Variants in GALNTL6 observed in about 807,000 individuals in gnomAD.
The protein encoded by GALNTL6 is polypeptide N-acetylgalactosaminyltransferase like 6, also known as polypeptide N-acetylgalactosaminyltransferase-like 6.
Under a neutral mutation model 73.7 loss-of-function variants are expected in GALNTL6, and 46 were observed. The observed-to-expected ratio is 0.62, with a 90% CI of 0.49 to 0.80. GALNTL6 has a LOEUF of 0.80. Among genes scored for constraint, GALNTL6 ranks in the 30% least tolerant of loss-of-function variants. GALNTL6 has a pLI of 0.00. For synonymous variants in GALNTL6, 259 were observed against 263.7 expected (o/e 0.98, Z 0.17); for missense variants, 604 against 755.0 (o/e 0.80, Z 2.34).
intron 5 of GALNTL6, among the ~76,000 whole-genome samples, chr4:172,400,884 C>T (rs1001440564): frequency 6.6e-6 from 1 of 152,084 alleles, no homozygotes; most frequent in Non-Finnish European, 1.5e-5. Context: ...CTGTATGTTC[C>T]TGTTTACTGA....
intron 2 of GALNTL6, among the ~76,000 whole-genome samples, chr4:171,892,045 A>G (rs1736777081): frequency 6.6e-6 from 1 of 152,226 alleles, no homozygotes; most frequent in Non-Finnish European, 1.5e-5. Context: ...CATGTGACAG[A>G]TAACAGTCAA....
chr4:172,346,909 A>G (rs1473550624), intron 4 of GALNTL6, among the ~76,000 whole-genome samples: 1 of 150,452 alleles, frequency 6.6e-6, no homozygotes. Context: ...TTTTTTGTCT[A>G]CCCTTTCTCT....
intron 3 of GALNTL6, among the ~76,000 whole-genome samples, chr4:172,288,094 A>ATT (rs11354201): frequency 0.2 from 28,686 of 144,448 alleles, 3,474 homozygotes; most frequent in African/African-American, 0.34. Flanking sequence ...GATAGAATTG[A>ATT]TTTTTTTTTT....
At chr4:172,886,756 A>C (rs898228906) in intron 8 of GALNTL6, among the ~76,000 whole-genome samples, 1 of 147,020 alleles carries the variant, frequency 6.8e-6, no homozygotes, top group African/African-American at 2.5e-5. Flanking sequence ...AGAGCAAAAA[A>C]CTCCATCTCA....
At chr4:171,963,409 G>C (rs1423626133) in intron 2 of GALNTL6, among the ~76,000 whole-genome samples, 2 of 152,040 alleles carry the variant, frequency 1.3e-5, no homozygotes, top group Non-Finnish European at 2.9e-5. Context: ...ATAAAGAAAA[G>C]CTATATAGTT....
chr4:172,304,353 C>T (rs1390559564), intron 3 of GALNTL6, among the ~76,000 whole-genome samples: 2 of 151,602 alleles, frequency 1.3e-5, no homozygotes, highest in African/African-American at 2.4e-5. Context: ...TTCTGCGGAG[C>T]ATACATCCCA....
Position 171,983,619 on chromosome 4 carries a change from G to T in GALNTL6, c.138+168901G>T, listed in dbSNP as rs544329252. Among the ~76,000 whole-genome samples the T allele has an allele frequency of 4.6e-5, 7 of 152,074 alleles. No individual in the cohort carries two copies. The East Asian group carries it at 1.4e-3, about 29-fold the overall frequency. On this transcript the variant is annotated intron_variant, in intron 2 of 12. Transcript: ENST00000506823. ...AGATCCTCTCACCTGAGCCTCCCAA[G>T]GTGCTGGGATTACAAGTGTGAGCTT... is the stretch of plus-strand genomic sequence containing the variant.
chr4:172,247,299 C>T (rs1354071542), intron 3 of GALNTL6, among the ~76,000 whole-genome samples: 1 of 152,196 alleles, frequency 6.6e-6, no homozygotes, highest in Non-Finnish European at 1.5e-5. Flanking sequence ...AGCCACATAT[C>T]ATCATGTCCC....
rs981737359 is a variant in GALNTL6 at position 172,666,195 on chromosome 4, A to G, written c.554-143166A>G. Among the ~76,000 whole-genome samples the G allele has an allele frequency of 4.2e-4, 64 of 152,236 alleles. 1 individual carries two copies. The highest frequency in any genetic ancestry group is 1.5e-3 in the African/African-American group (61 of 41,548). On this transcript the variant is annotated intron_variant, in intron 5 of 12. Transcript: ENST00000506823. The stretch of plus-strand genomic sequence containing the variant: ...TTGAGCTCTTTATTTTGATACATTC[A>G]TTGTTTGACTATAATACTTCAAAAA...
intron 2 of GALNTL6, among the ~76,000 whole-genome samples, chr4:171,937,182 G>T (rs992608085): frequency 3.9e-5 from 6 of 152,092 alleles, no homozygotes; most frequent in African/African-American, 1.4e-4. Context: ...ACTATTTCTG[G>T]GGTAAGAATT....
chr4:172,671,810 T>C (rs528227761), intron 5 of GALNTL6, among the ~76,000 whole-genome samples: 2 of 152,134 alleles, frequency 1.3e-5, no homozygotes, highest in South Asian at 4.1e-4. Context: ...ATGGCTCTTA[T>C]TGTTTTGAAA....
chr4:172,380,541 T>G (rs888584588), intron 5 of GALNTL6: 11 of 354,558 alleles, frequency 3.1e-5, no homozygotes, highest in African/African-American at 2.1e-4. Context: ...TTATATATCC[T>G]TGTTTTCAAT....
chr4:172,006,049 G>C (rs1740831572), intron 2 of GALNTL6, among the ~76,000 whole-genome samples: 1 of 152,142 alleles, frequency 6.6e-6, no homozygotes, highest in African/African-American at 2.4e-5. Flanking sequence ...TCCTCCAGCT[G>C]TCATTGCTTA....
At chr4:172,228,638 T>C (rs912333284) in intron 2 of GALNTL6, among the ~76,000 whole-genome samples, 1 of 152,110 alleles carries the variant, frequency 6.6e-6, no homozygotes, top group Non-Finnish European at 1.5e-5. Flanking sequence ...TAAATTGACT[T>C]TTTTTTGCTT....
chr4:171,942,753 G>A (rs1464759767), intron 2 of GALNTL6, among the ~76,000 whole-genome samples: 2 of 152,214 alleles, frequency 1.3e-5, no homozygotes, highest in Non-Finnish European at 2.9e-5. Context: ...CTATATTGCA[G>A]ACAAGATATA....
chr4:171,918,321 T>C (rs1238678816), intron 2 of GALNTL6, among the ~76,000 whole-genome samples: 5 of 152,128 alleles, frequency 3.3e-5, no homozygotes, highest in Non-Finnish European at 7.4e-5. Flanking sequence ...CTCTGATATG[T>C]ATAAATAAAA....
chr4:172,851,002 T>C (rs868661669), intron 7 of GALNTL6, among the ~76,000 whole-genome samples: 1 of 152,142 alleles, frequency 6.6e-6, no homozygotes, highest in African/African-American at 2.4e-5. Context: ...GGATTTTTTA[T>C]GGCAGTTTCA....
chr4:172,616,196 A>C (rs1738721957), intron 5 of GALNTL6, among the ~76,000 whole-genome samples: 1 of 152,188 alleles, frequency 6.6e-6, no homozygotes, highest in Admixed American at 6.5e-5. Context: ...AAAAGTTAAC[A>C]TTTCAAAAAT....
intron 5 of GALNTL6, among the ~76,000 whole-genome samples, chr4:172,728,929 A>G (rs2111382904): frequency 6.6e-6 from 1 of 152,200 alleles, no homozygotes; most frequent in East Asian, 1.9e-4. Flanking sequence ...CTGGGGTGAG[A>G]TATCTCATTG....
Sources: gnomAD v4.1 joint callset for allele counts (sites outside exome capture counted in the v4.1 genomes callset) on GRCh38, gnomAD v4.1.1 for gene constraint, MANE v1.5 for transcripts, NCBI Gene and HGNC (gene_info 2026-07-23, HGNC 2026-07-21) for gene names.